MAST4: variants seen among roughly 807,000 people sequenced by gnomAD.
The protein encoded by MAST4 is microtubule associated serine/threonine kinase family member 4, also known as microtubule-associated serine/threonine-protein kinase 4.
Under a neutral mutation model 162.7 loss-of-function variants are expected in MAST4, and 89 were observed. The ratio of observed to expected loss-of-function variants is 0.55; its 90% confidence interval spans 0.46 to 0.65. The LOEUF is 0.65. MAST4 is among the 30% of genes least tolerant of loss of function. The pLI, the probability that MAST4 is intolerant of heterozygous loss-of-function variation, is 0.00. For missense variants in MAST4, 3,153 were observed against 3,374.0 expected, an observed-to-expected ratio of 0.93 and a Z score of 1.62; for synonymous variants, 1,479 against 1,361.1, an observed-to-expected ratio of 1.09 and a Z score of -1.91.
intron 2 of MAST4, among the ~76,000 whole-genome samples, chr5:66,766,062 C>A (rs991742441): frequency 6.6e-6 from 1 of 152,182 alleles, no homozygotes; most frequent in Non-Finnish European, 1.5e-5. Context: ...TTATAGAGAC[C>A]CTTAAGTCTG....
chr5:67,112,397 AC>A (rs552747195), intron 11 of MAST4, among the ~76,000 whole-genome samples: 17 of 152,256 alleles, frequency 1.1e-4, no homozygotes, highest in African/African-American at 3.6e-4. Flanking sequence ...AACACTGTCT[AC>A]GCAGAGATAG....
intron 4 of MAST4, among the ~76,000 whole-genome samples, chr5:66,970,986 C>T (rs1747360042): frequency 6.6e-6 from 1 of 152,210 alleles, no homozygotes; most frequent in Non-Finnish European, 1.5e-5. Context: ...ACAGATTATG[C>T]CCTCTTCCCA....
chr5:66,700,715 A>T (rs1265902220), intron 1 of MAST4, among the ~76,000 whole-genome samples: 2 of 151,644 alleles, frequency 1.3e-5, no homozygotes, highest in East Asian at 1.9e-4. Flanking sequence ...AACAAAAAAA[A>T]CAACAACTGA....
chr5:67,058,976 G>A (rs974293367), intron 5 of MAST4, among the ~76,000 whole-genome samples: 4 of 152,248 alleles, frequency 2.6e-5, no homozygotes, highest in Non-Finnish European at 5.9e-5. Context: ...CAGGGCAGAA[G>A]TCTGGGCAGG....
intron 3 of MAST4, among the ~76,000 whole-genome samples, chr5:66,837,160 T>C (rs1296378377): frequency 6.6e-6 from 1 of 152,056 alleles, no homozygotes; most frequent in Admixed American, 6.6e-5. Context: ...GCTATTTAAT[T>C]CCTCACCAAT....
chr5:66,858,129 A>G (rs1483316871), intron 3 of MAST4, among the ~76,000 whole-genome samples: 1 of 151,424 alleles, frequency 6.6e-6, no homozygotes, highest in Non-Finnish European at 1.5e-5. Flanking sequence ...GCTAATTTTT[A>G]TATTTTTTAC....
intron 1 of MAST4, among the ~76,000 whole-genome samples, chr5:66,628,534 A>G (rs1744595511): frequency 6.6e-6 from 1 of 152,118 alleles, no homozygotes; most frequent in East Asian, 1.9e-4. Flanking sequence ...TAGTGCTCAG[A>G]GGAGAAAATT....
intron 3 of MAST4, among the ~76,000 whole-genome samples, chr5:66,829,198 G>A (rs1036098362): frequency 6.6e-6 from 1 of 151,886 alleles, no homozygotes; most frequent in Non-Finnish European, 1.5e-5. Flanking sequence ...ATGCCGTCAA[G>A]TGTCTGGGAA....
intron 23 of MAST4, among the ~76,000 whole-genome samples, chr5:67,147,547 C>CATGAAAAAT (rs1771248487): frequency 6.6e-6 from 1 of 152,114 alleles, no homozygotes; most frequent in African/African-American, 2.4e-5. Flanking sequence ...TGTTTGAAGC[C>CATGAAAAAT]ATGAAAAATA....
intron 1 of MAST4, among the ~76,000 whole-genome samples, chr5:66,748,480 C>CTCTTCCTTT (rs963932722): frequency 2.1e-5 from 3 of 144,858 alleles, no homozygotes; most frequent in Non-Finnish European, 4.5e-5. Context: ...TCTCTTCCTT[C>CTCTTCCTTT]TCTTCCTTTT....
In MAST4 at chr5:67,163,466, G is replaced by A; in HGVS notation, c.4287G>A (p.Arg1429=). Reference sequence around the variant, plus strand: ...CCACCATCGTCAGACACATCGTGAGGCCCAAGAGTGCGGAGCCCCCCAGGT... The same window carrying A: ...CCACCATCGTCAGACACATCGTGAGACCCAAGAGTGCGGAGCCCCCCAGGT... ...SPPTIVRHIV[R]PKSAEPPRSP... is the part of the protein sequence containing the mutation. The change falls in exon 29 of 29, where the codon AGG becomes AGA. Residue 1429 remains arginine, a synonymous_variant. Transcript: ENST00000403625. This position sits in a 1 kb window ranked among gnomAD's most constrained non-coding sequence, Gnocchi z 7.0. 3 of 1,613,446 alleles carry A rather than the reference G, an allele frequency of 1.9e-6. No individual in the cohort carries two copies. In the South Asian group the frequency reaches 3.3e-5, roughly 18 times the overall value.
intron 13 of MAST4, among the ~76,000 whole-genome samples, chr5:67,120,788 C>T (rs929439800): frequency 6.6e-6 from 1 of 152,120 alleles, no homozygotes; most frequent in African/African-American, 2.4e-5. Flanking sequence ...CAGGAATTGT[C>T]CTTGATTGCC....
At chr5:66,655,045 G>T (rs897372407) in intron 1 of MAST4, among the ~76,000 whole-genome samples, 1 of 152,006 alleles carries the variant, frequency 6.6e-6, no homozygotes, top group African/African-American at 2.4e-5. Flanking sequence ...GTACAACATT[G>T]AGCTAAATGT....
At chr5:66,670,562 C>A (rs1290345903) in intron 1 of MAST4, among the ~76,000 whole-genome samples, 1 of 151,958 alleles carries the variant, frequency 6.6e-6, no homozygotes, top group African/African-American at 2.4e-5. Context: ...TGGGGAATTT[C>A]TCAGAAAAAC....
At chr5:66,642,682 A>C (rs1745564664) in intron 1 of MAST4, among the ~76,000 whole-genome samples, 1 of 152,190 alleles carries the variant, frequency 6.6e-6, no homozygotes. Context: ...CACCCCCATC[A>C]AGAATAGCTA....
intron 9 of MAST4, among the ~76,000 whole-genome samples, chr5:67,103,065 T>C (rs1765205282): frequency 6.6e-6 from 1 of 152,226 alleles, no homozygotes; most frequent in Admixed American, 6.5e-5. Flanking sequence ...TTCCTATCTC[T>C]TTAGACATTG....
At chr5:66,799,218 T>C (rs867855995) in intron 3 of MAST4, among the ~76,000 whole-genome samples, 1 of 152,220 alleles carries the variant, frequency 6.6e-6, no homozygotes. Context: ...CTCTTCTCTA[T>C]GTAACTCTCT....
At chr5:66,730,455 G>T (rs942695345) in intron 1 of MAST4, among the ~76,000 whole-genome samples, 10 of 152,002 alleles carry the variant, frequency 6.6e-5, no homozygotes, top group Admixed American at 3.9e-4. Context: ...CTCCACTCTT[G>T]GTAGGTTGTT....
chr5:66,713,395 T>C (rs866654735), intron 1 of MAST4, among the ~76,000 whole-genome samples: 18 of 152,310 alleles, frequency 1.2e-4, no homozygotes, highest in Middle Eastern at 3.4e-3. Flanking sequence ...GGCTGAAATT[T>C]AGTTTTGAGG....
Sources: gnomAD v4.1 joint callset for allele counts (sites outside exome capture counted in the v4.1 genomes callset) on GRCh38, gnomAD v4.1.1 for gene constraint, Gnocchi (gnomAD v3.1) non-coding constraint, MANE v1.5 for transcripts, NCBI Gene and HGNC (gene_info 2026-07-23, HGNC 2026-07-21) for gene names.